The following IL1RAPL1 variants were observed in gnomAD, a reference collection of about 807,000 sequenced individuals.
IL1RAPL1 encodes the protein interleukin-1 receptor accessory protein-like 1.
A neutral mutation model predicts 48.4 loss-of-function variants in IL1RAPL1; 3 were observed. That is an observed-to-expected ratio of 0.06 (90% CI 0.03 to 0.16). IL1RAPL1 has a LOEUF of 0.16. Ranked by LOEUF, IL1RAPL1 falls within the 10% of genes least tolerant of loss-of-function variation. IL1RAPL1 has a pLI of 1.00. For missense variants in IL1RAPL1, 349 were observed against 530.6 expected (o/e 0.66, Z 3.36); for synonymous variants, 185 against 187.7 (o/e 0.99, Z 0.12).
At chrX:28,933,494 G>A (rs1480441576) in intron 2 of IL1RAPL1, among the ~76,000 whole-genome samples, 1 of 111,789 alleles carries the variant, frequency 8.9e-6, no homozygotes, top group Admixed American at 9.5e-5. Context: ...TTCAAATAGA[G>A]TTCCACAGTA....
At chrX:29,744,713 T>C (rs978927716) in intron 6 of IL1RAPL1, among the ~76,000 whole-genome samples, 26 of 112,159 alleles carry the variant, frequency 2.3e-4, no homozygotes, top group African/African-American at 7.4e-4. Flanking sequence ...ATATAATAAA[T>C]AAAAGCTGCT....
chrX:28,982,728 C>T (rs942066434), intron 2 of IL1RAPL1: 1 of 111,939 alleles, frequency 8.9e-6, no homozygotes, highest in African/African-American at 3.3e-5. Context: ...GTGCTTCTGC[C>T]ACTAAACCCG....
chrX:29,731,643 G>T (rs1370335101), intron 6 of IL1RAPL1, among the ~76,000 whole-genome samples: 2 of 112,408 alleles, frequency 1.8e-5, no homozygotes, highest in African/African-American at 6.5e-5. Context: ...TGGTATTTTG[G>T]TTTTGGTAAC....
chrX:29,164,918 G>A (rs1476646960), intron 2 of IL1RAPL1, among the ~76,000 whole-genome samples: 2 of 111,805 alleles, frequency 1.8e-5, no homozygotes, highest in African/African-American at 3.3e-5. Flanking sequence ...TTGTCCGTGA[G>A]CATAAACAGG....
At chrX:29,250,750 C>G (rs1455221930) in intron 2 of IL1RAPL1, among the ~76,000 whole-genome samples, 1 of 111,466 alleles carries the variant, frequency 9.0e-6, no homozygotes, top group East Asian at 2.8e-4. Context: ...GCAGTGGTAC[C>G]TTGGCTGTTG....
chrX:29,129,604 T>TTTTG (rs1404717802), intron 2 of IL1RAPL1, among the ~76,000 whole-genome samples: 1 of 86,338 alleles, frequency 1.2e-5, no homozygotes, highest in Non-Finnish European at 2.3e-5. Context: ...TTTTTTTTTT[T>TTTTG]TTTTTTTTGA....
intron 2 of IL1RAPL1, among the ~76,000 whole-genome samples, chrX:28,939,978 CT>C (rs1453214588): frequency 9.0e-6 from 1 of 111,439 alleles, no homozygotes; most frequent in Non-Finnish European, 1.9e-5. Context: ...GACTCTATGC[CT>C]ATGTGCATTT....
chrX:29,027,040 C>G (rs1384814716), intron 2 of IL1RAPL1, among the ~76,000 whole-genome samples: 1 of 111,792 alleles, frequency 8.9e-6, no homozygotes, highest in Admixed American at 9.5e-5. Flanking sequence ...ATCAATACAT[C>G]ATTATCATTC....
chrX:28,709,081 G>T, intron 1 of IL1RAPL1, among the ~76,000 whole-genome samples: 1 of 112,188 alleles, frequency 8.9e-6, no homozygotes, highest in East Asian at 2.8e-4. Context: ...TCAACAGTTT[G>T]ATTGCCTTCT....
chrX:29,230,504 CAAAAAAAAAAAAAAA>C (rs60539139), intron 2 of IL1RAPL1, among the ~76,000 whole-genome samples: 4 of 16,595 alleles, frequency 2.4e-4, no homozygotes, highest in South Asian at 9.5e-3. Flanking sequence ...GTCCCTTTAC[CAAAAAAAAAAAAAAA>C]AAAAAAAAAA....
At chrX:28,640,448 C>T (rs761617167) in intron 1 of IL1RAPL1, among the ~76,000 whole-genome samples, 11 of 110,152 alleles carry the variant, frequency 1.0e-4, no homozygotes, top group South Asian at 4.0e-4. Context: ...CAGGTTCATG[C>T]GATCTTCCTG....
chrX:29,095,284 G>A (rs1002862409), intron 2 of IL1RAPL1, among the ~76,000 whole-genome samples: 1 of 111,371 alleles, frequency 9.0e-6, no homozygotes, highest in African/African-American at 3.3e-5. Context: ...TAGTGATGGT[G>A]TGGAAGGCAA....
intron 5 of IL1RAPL1, among the ~76,000 whole-genome samples, chrX:29,539,140 A>C (rs1921346075): frequency 8.9e-6 from 1 of 111,756 alleles, no homozygotes; most frequent in South Asian, 3.8e-4. Context: ...ATCCCTGACT[A>C]ATATAGACGC....
chrX:29,057,275 C>T (rs1203998521), intron 2 of IL1RAPL1, among the ~76,000 whole-genome samples: 7 of 111,464 alleles, frequency 6.3e-5, no homozygotes, highest in Non-Finnish European at 1.3e-4. Context: ...ACTCAAGTCT[C>T]CTGGGCTTAT....
At chrX:29,761,037 A>G (rs1221901369) in intron 6 of IL1RAPL1, among the ~76,000 whole-genome samples, 1 of 111,570 alleles carries the variant, frequency 9.0e-6, no homozygotes, top group East Asian at 2.8e-4. Context: ...AGGTTCTTTT[A>G]TTCTCCCCTC....
At chrX:28,681,140 T>A (rs1055472554) in intron 1 of IL1RAPL1, among the ~76,000 whole-genome samples, 16 of 111,257 alleles carry the variant, frequency 1.4e-4, no homozygotes, top group Non-Finnish European at 2.6e-4. Flanking sequence ...AATTCCTTCT[T>A]GTTAGGTTGT....
At chrX:29,240,218 ATATATATTTTTTTTTT>A in intron 2 of IL1RAPL1, among the ~76,000 whole-genome samples, 2 of 19,619 alleles carry the variant, frequency 1.0e-4, no homozygotes, top group Non-Finnish European at 1.7e-4. Context: ...ATATATATAT[ATATATATTTTTTTTTT>A]TTTTTTTTTT....
chrX:29,406,338 G>A (rs917317285), intron 5 of IL1RAPL1, among the ~76,000 whole-genome samples: 1 of 109,110 alleles, frequency 9.2e-6, no homozygotes, highest in African/African-American at 3.4e-5. Context: ...GTAGTGAGCC[G>A]AAATCGCGAC....
intron 2 of IL1RAPL1, among the ~76,000 whole-genome samples, chrX:28,828,128 A>T (rs185267946): frequency 8.9e-6 from 1 of 111,808 alleles, no homozygotes; most frequent in Non-Finnish European, 1.9e-5. Flanking sequence ...TTTAGAATTC[A>T]TCTTGCCAAT....
Sources: allele counts gnomAD v4.1 joint callset (sites outside exome capture counted in the v4.1 genomes callset), GRCh38; gene constraint gnomAD v4.1.1; transcripts MANE v1.5; gene names NCBI Gene and HGNC (gene_info 2026-07-23, HGNC 2026-07-21).